RBFOX1: variants seen among roughly 807,000 people sequenced by gnomAD.
RBFOX1 encodes RNA binding fox-1 homolog 1.
RBFOX1 carries 8 observed loss-of-function variants against 57.7 expected under a neutral mutation model. The ratio of observed to expected loss-of-function variants is 0.14; its 90% CI spans 0.08 to 0.25. The LOEUF (loss-of-function observed/expected upper bound fraction) is 0.25. Ranked by LOEUF, RBFOX1 falls within the 10% of genes least tolerant of loss-of-function variation. The pLI is 1.00. For synonymous variants in RBFOX1, 326 were observed against 222.4 expected, an observed-to-expected ratio of 1.47 and a Z score of -4.15; for missense variants, 611 against 548.5, an observed-to-expected ratio of 1.11 and a Z score of -1.14.
chr16:7,672,038 G>A (rs913020882), intron 13 of RBFOX1, among the ~76,000 whole-genome samples: 8 of 152,304 alleles, frequency 5.3e-5, no homozygotes, highest in South Asian at 2.1e-4. Flanking sequence ...AGAGTGAACC[G>A]GAATGGGGTT....
intron 5 of RBFOX1, among the ~76,000 whole-genome samples, chr16:7,527,217 T>G (rs918852898): frequency 6.6e-6 from 1 of 152,194 alleles, no homozygotes; most frequent in Non-Finnish European, 1.5e-5. Context: ...GTCTCTTGTT[T>G]CCTTAGGAGC....
intron 3 of RBFOX1, among the ~76,000 whole-genome samples, chr16:6,917,423 G>C (rs527590769): frequency 6.6e-6 from 1 of 152,154 alleles, no homozygotes. Flanking sequence ...ATCTACAAGT[G>C]CTTTTGTCCT....
At chr16:6,063,393 C>G (rs1346618486) in intron 1 of RBFOX1, among the ~76,000 whole-genome samples, 1 of 151,522 alleles carries the variant, frequency 6.6e-6, no homozygotes, top group Non-Finnish European at 1.5e-5. Flanking sequence ...TGGAGCATAT[C>G]AGGAAGAGAA....
chr16:6,840,900 AAAAAC>A (rs1381725776), intron 3 of RBFOX1, among the ~76,000 whole-genome samples: 1 of 151,242 alleles, frequency 6.6e-6, no homozygotes, highest in African/African-American at 2.4e-5. Context: ...AAAAAAAAAA[AAAAAC>A]GAAAAAAGGT....
intron 4 of RBFOX1, among the ~76,000 whole-genome samples, chr16:7,286,425 G>A (rs1171907726): frequency 1.3e-5 from 2 of 150,420 alleles, no homozygotes; most frequent in Non-Finnish European, 3.0e-5. Flanking sequence ...GGGAATTTGG[G>A]TTTCATACTT....
intron 3 of RBFOX1, among the ~76,000 whole-genome samples, chr16:5,865,664 G>C (rs1243087944): frequency 6.6e-6 from 1 of 152,214 alleles, no homozygotes; most frequent in Non-Finnish European, 1.5e-5. Context: ...TCGTTCTTAA[G>C]TCCTTTGTTG....
intron 3 of RBFOX1, among the ~76,000 whole-genome samples, chr16:6,841,538 A>G (rs1249807065): frequency 6.6e-6 from 1 of 152,154 alleles, no homozygotes; most frequent in South Asian, 2.1e-4. Flanking sequence ...ACCTCACGCT[A>G]ATGAGGCGAG....
At chr16:6,027,519 C>G (rs2095219083) in intron 1 of RBFOX1, among the ~76,000 whole-genome samples, 2 of 152,174 alleles carry the variant, frequency 1.3e-5, no homozygotes, top group Non-Finnish European at 1.5e-5. Context: ...TTCAATTTCT[C>G]TGAACCTCAG....
chr16:5,866,933 G>C (rs17138774), intron 3 of RBFOX1, among the ~76,000 whole-genome samples: 17,609 of 152,048 alleles, frequency 0.12, 1,087 homozygotes, highest in East Asian at 0.21. Flanking sequence ...TTTAAGGGAA[G>C]GAAAAAAACA....
intron 1 of RBFOX1, among the ~76,000 whole-genome samples, chr16:6,163,892 G>T (rs985014404): frequency 6.6e-6 from 1 of 152,116 alleles, no homozygotes; most frequent in African/African-American, 2.4e-5. Context: ...GTTGTCAGAC[G>T]TTGCCTCTGT....
At chr16:6,777,583 G>C (rs190757036) in intron 3 of RBFOX1, among the ~76,000 whole-genome samples, 39 of 152,198 alleles carry the variant, frequency 2.6e-4, no homozygotes, top group African/African-American at 5.5e-4. Flanking sequence ...GTCAGATTAG[G>C]GGGGAAAGAA....
intron 2 of RBFOX1, among the ~76,000 whole-genome samples, chr16:5,531,501 G>A (rs1291082178): frequency 2.6e-5 from 4 of 152,120 alleles, no homozygotes; most frequent in Non-Finnish European, 5.9e-5. Context: ...TTTAGCATGG[G>A]GCAATAATGA....
rs186957689 is a variant in RBFOX1 at position 6,432,266 on chromosome 16, C to T, written c.-64+115209C>T. Among the ~76,000 whole-genome samples, 513 of 152,202 alleles carry T rather than the reference C, an allele frequency of 3.4e-3. 4 individuals carry two copies. Among genetic ancestry groups the T allele is most frequent in the African/African-American group, 0.012 (488 of 41,516 alleles). On this transcript the variant is annotated intron_variant, in intron 2 of 15. Coordinates refer to ENST00000550418, the MANE Select transcript of RBFOX1 (RefSeq NM_018723.4). ...TTATACGTATGAGCCACGTTGCTCACCCTGAAAGTGCTCAGAAACATGCTT... is the reference window on the plus strand; with the variant it reads ...TTATACGTATGAGCCACGTTGCTCATCCTGAAAGTGCTCAGAAACATGCTT...
At chr16:7,468,876 C>T (rs1599188950) in intron 4 of RBFOX1, among the ~76,000 whole-genome samples, 1 of 152,140 alleles carries the variant, frequency 6.6e-6, no homozygotes, top group East Asian at 1.9e-4. Context: ...TCACAGGGTC[C>T]CGTCCAAATG....
At chr16:5,350,611 A>G (rs2065241334) in intron 1 of RBFOX1, among the ~76,000 whole-genome samples, 1 of 152,200 alleles carries the variant, frequency 6.6e-6, no homozygotes, top group Non-Finnish European at 1.5e-5. Flanking sequence ...TACACCTGTA[A>G]TCCCAGCACT....
intron 2 of RBFOX1, among the ~76,000 whole-genome samples, chr16:6,466,495 G>C (rs1597649165): frequency 6.6e-6 from 1 of 152,138 alleles, no homozygotes; most frequent in African/African-American, 2.4e-5. Context: ...CACGTTTCTT[G>C]AAACTTCCCA....
rs74004744 is a variant in RBFOX1 at position 6,107,926 on chromosome 16, C to A, written c.-127+87934C>A. ...AATTTCAGAGTTTTAGCCATGTTTC[C>A]TCCAAAAAAATCATTGCCTTTCTTG... On this transcript the variant is annotated intron_variant, in intron 1 of 15. Transcript: ENST00000550418. Among the ~76,000 whole-genome samples, 294 of 152,086 alleles carry A rather than the reference C, an allele frequency of 1.9e-3. 4 individuals carry two copies. The highest frequency in any genetic ancestry group is 6.3e-3 in the African/African-American group (262 of 41,506).
At chr16:5,579,202 C>T (rs1342326372) in intron 2 of RBFOX1, among the ~76,000 whole-genome samples, 1 of 152,124 alleles carries the variant, frequency 6.6e-6, no homozygotes, top group Non-Finnish European at 1.5e-5. Context: ...CCCCACCCAA[C>T]TTGCACTTCC....
intron 3 of RBFOX1, among the ~76,000 whole-genome samples, chr16:6,989,166 G>A (rs1323906444): frequency 6.6e-6 from 1 of 152,176 alleles, no homozygotes. Context: ...ATAGTGCTGG[G>A]ATTTCAGGCC....
Sources: allele counts gnomAD v4.1 joint callset (sites outside exome capture counted in the v4.1 genomes callset), GRCh38; gene constraint gnomAD v4.1.1; transcripts MANE v1.5; gene names NCBI Gene and HGNC (gene_info 2026-07-23, HGNC 2026-07-21).